TMEM232: variants seen among roughly 807,000 people sequenced by gnomAD.
TMEM232 encodes transmembrane protein 232.
Under a neutral mutation model 78.8 loss-of-function variants are expected in TMEM232, and 80 were observed. The observed-to-expected ratio is 1.01, with a 90% confidence interval of 0.85 to 1.22. The LOEUF (loss-of-function observed/expected upper bound fraction) is 1.22. Among genes scored for constraint, TMEM232 ranks in the 50% most tolerant of loss-of-function variants. TMEM232 has a pLI of 0.00. For synonymous variants in TMEM232, 297 were observed against 254.3 expected (o/e 1.17, Z -1.60); for missense variants, 881 against 742.2 (o/e 1.19, Z -2.17).
rs73217182 is a variant in TMEM232 at position 110,401,442 on chromosome 5, C to T, written n.309-3588G>A. 5.4e-3 allele frequency among the ~76,000 whole-genome samples: 817 copies of T among 152,052 alleles called. 8 individuals are homozygous for T. Among genetic ancestry groups the T allele is most frequent in the African/African-American group, 0.018 (764 of 41,490 alleles). Reference sequence around the variant, plus strand: ...GCCTCTCTGGCCAAGCAAAGTGTATCGACATACCCTCCTGAGCTACTGGCA... The same window carrying T: ...GCCTCTCTGGCCAAGCAAAGTGTATTGACATACCCTCCTGAGCTACTGGCA... On this transcript the variant is annotated intron_variant and non_coding_transcript_variant, in intron 2 of 8. Transcript: ENST00000507188.
At chr5:110,475,750 ACT>A (rs1216134274) in intron 12 of TMEM232, among the ~76,000 whole-genome samples, 195 of 151,866 alleles carry the variant, frequency 1.3e-3, no homozygotes, top group African/African-American at 4.5e-3. Context: ...AGAGTTCCCC[ACT>A]CAGCTGAGTA....
chr5:110,708,698 T>G (rs1305211385), intron 1 of TMEM232, among the ~76,000 whole-genome samples: 3 of 152,066 alleles, frequency 2.0e-5, no homozygotes, highest in Non-Finnish European at 4.4e-5. Context: ...GCAAGCCTAA[T>G]GGTAAGTGCA....
At chr5:110,729,690 T>C (rs867057437), upstream of TMEM232, among the ~76,000 whole-genome samples, 1 of 152,242 alleles carries the variant, frequency 6.6e-6, no homozygotes, top group Non-Finnish European at 1.5e-5. Context: ...TGGGCCATGA[T>C]AGCAGCACCC....
intron 2 of TMEM232, among the ~76,000 whole-genome samples, chr5:110,649,237 A>T (rs1787952715): frequency 6.6e-6 from 1 of 152,144 alleles, no homozygotes; most frequent in South Asian, 2.1e-4. Flanking sequence ...GAGTAAAAAC[A>T]GTTAAGGAAA....
chr5:110,462,290 TGA>T (rs1307211768), intron 12 of TMEM232, among the ~76,000 whole-genome samples: 4 of 152,162 alleles, frequency 2.6e-5, no homozygotes, highest in Admixed American at 1.3e-4. Flanking sequence ...TGGTTAATAT[TGA>T]GTGTCAACTT....
intron 12 of TMEM232, among the ~76,000 whole-genome samples, chr5:110,502,998 C>T (rs1766438838): frequency 1.3e-5 from 2 of 152,008 alleles, no homozygotes; most frequent in South Asian, 4.1e-4. Context: ...TATCTGTTAC[C>T]TTTTTTAGGT....
chr5:110,598,222 A>G (rs1366427949), intron 10 of TMEM232, among the ~76,000 whole-genome samples: 1 of 151,510 alleles, frequency 6.6e-6, no homozygotes, highest in Non-Finnish European at 1.5e-5. Context: ...CATTTCTCAA[A>G]AGAAGACATC....
chr5:110,608,631 G>A (rs762272635), intron 8 of TMEM232, among the ~76,000 whole-genome samples: 3 of 151,980 alleles, frequency 2.0e-5, no homozygotes, highest in Non-Finnish European at 2.9e-5. Context: ...AGCCACCTAC[G>A]GTAGAGAAAT....
intron 11 of TMEM232, among the ~76,000 whole-genome samples, chr5:110,560,534 T>A (rs1404533282): frequency 6.6e-6 from 1 of 151,930 alleles, no homozygotes; most frequent in Non-Finnish European, 1.5e-5. Context: ...ACAAAAGTAG[T>A]GTTGACTAAT....
chr5:110,545,760 T>C (rs527559162), intron 11 of TMEM232, among the ~76,000 whole-genome samples: 3 of 152,254 alleles, frequency 2.0e-5, no homozygotes, highest in African/African-American at 7.2e-5. Flanking sequence ...GAGTCAAAGG[T>C]ACTCTGAATA....
intron 1 of TMEM232, chr5:110,667,595 C>G (rs991411989): frequency 2.5e-5 from 6 of 236,784 alleles, no homozygotes; most frequent in Non-Finnish European, 3.2e-5. Flanking sequence ...TATGCTTTAG[C>G]AGTTTTATCA....
intron 10 of TMEM232, among the ~76,000 whole-genome samples, chr5:110,579,442 A>G (rs1777925280): frequency 6.6e-6 from 1 of 151,830 alleles, no homozygotes; most frequent in Admixed American, 6.6e-5. Flanking sequence ...GATACTTAAT[A>G]CTACACTTAA....
chr5:110,641,146 T>C (rs1405201510), intron 3 of TMEM232, 150 bp from the exon 4 acceptor site: 1 of 462,716 alleles, frequency 2.2e-6, no homozygotes, highest in Non-Finnish European at 3.5e-6. Flanking sequence ...TTTTTGCTTT[T>C]ATTACTCAAA....
chr5:110,615,915 A>G (rs893707539), intron 8 of TMEM232, among the ~76,000 whole-genome samples: 3 of 151,986 alleles, frequency 2.0e-5, no homozygotes, highest in Non-Finnish European at 4.4e-5. Flanking sequence ...AAAATAAAAA[A>G]AATAAAGCCT....
chr5:110,713,497 AAATAT>A (rs1323757517), intron 1 of TMEM232, among the ~76,000 whole-genome samples: 4 of 152,146 alleles, frequency 2.6e-5, no homozygotes, highest in Non-Finnish European at 5.9e-5. Flanking sequence ...GCCTGTATCA[AAATAT>A]AATATGTGTC....
chr5:110,504,043 C>A (rs1766580138), intron 12 of TMEM232, among the ~76,000 whole-genome samples: 1 of 152,180 alleles, frequency 6.6e-6, no homozygotes, highest in African/African-American at 2.4e-5. Flanking sequence ...GAGCCTGAAT[C>A]AATCAGCTAA....
At chr5:110,516,021 C>T (rs986840936) in intron 12 of TMEM232, among the ~76,000 whole-genome samples, 50 of 152,244 alleles carry the variant, frequency 3.3e-4, no homozygotes, top group African/African-American at 1.1e-3. Flanking sequence ...GGGCGGATCA[C>T]GAGGTCAGGA....
At chr5:110,645,611 A>G (rs920764162) in intron 2 of TMEM232, among the ~76,000 whole-genome samples, 1 of 151,664 alleles carries the variant, frequency 6.6e-6, no homozygotes, top group Admixed American at 6.6e-5. Context: ...ACCACAGCCA[A>G]TATCATAATT....
intron 12 of TMEM232, among the ~76,000 whole-genome samples, chr5:110,457,577 C>CA (rs902065461): frequency 6.6e-5 from 10 of 151,358 alleles, no homozygotes; most frequent in Non-Finnish European, 1.0e-4. Flanking sequence ...ATATGGTCAT[C>CA]AAAAAAAACT....
Sources: allele counts gnomAD v4.1 joint callset (sites outside exome capture counted in the v4.1 genomes callset), GRCh38; gene constraint gnomAD v4.1.1; transcripts MANE v1.5; gene names NCBI Gene and HGNC (gene_info 2026-07-23, HGNC 2026-07-21).